NLRP4: variants seen among roughly 807,000 people sequenced by gnomAD.
NLRP4 encodes the protein NACHT, LRR and PYD domains-containing protein 4.
Under a neutral mutation model 84.7 loss-of-function variants are expected in NLRP4, and 44 were observed. The ratio of observed to expected loss-of-function variants is 0.52; its 90% CI spans 0.41 to 0.67. The LOEUF (loss-of-function observed/expected upper bound fraction) is 0.67. NLRP4 is among the 30% of genes least tolerant of loss of function. NLRP4 has a pLI of 0.00. For synonymous variants in NLRP4, 544 were observed against 476.4 expected, an observed-to-expected ratio of 1.14 and a Z score of -1.85; for missense variants, 1,260 against 1,219.4, an observed-to-expected ratio of 1.03 and a Z score of -0.50.
At chr19:55,844,958 C>T (rs960342131) in intron 1 of NLRP4, among the ~76,000 whole-genome samples, 3 of 152,036 alleles carry the variant, frequency 2.0e-5, no homozygotes, top group Non-Finnish European at 2.9e-5. Context: ...AGTCTTTCCC[C>T]TCACTTTCAG....
intron 9 of NLRP4, among the ~76,000 whole-genome samples, 163 bp downstream of exon 9, chr19:55,879,127 AC>A (rs1353199026): frequency 2.6e-5 from 4 of 152,168 alleles, no homozygotes; most frequent in African/African-American, 9.7e-5. Context: ...TAAAACTCTT[AC>A]CACAGTAAGT....
intron 5 of NLRP4, among the ~76,000 whole-genome samples, chr19:55,863,567 G>C (rs1984843551): frequency 6.6e-6 from 1 of 152,076 alleles, no homozygotes; most frequent in Non-Finnish European, 1.5e-5. Context: ...TAAATCACTA[G>C]AAACCACCCC....
At chr19:55,864,433 T>C (rs1487921751) in intron 5 of NLRP4, among the ~76,000 whole-genome samples, 1 of 152,258 alleles carries the variant, frequency 6.6e-6, no homozygotes, top group African/African-American at 2.4e-5. Context: ...AGTATTCCAC[T>C]GTGTAGATAT....
chr19:55,880,345 A>G (rs953424040), intron 9 of NLRP4, among the ~76,000 whole-genome samples: 1 of 152,232 alleles, frequency 6.6e-6, no homozygotes, highest in Non-Finnish European at 1.5e-5. Context: ...GAAGGACTCA[A>G]ATTGTCTGCA....
At chr19:55,856,720 T>G (rs1249182074) in intron 2 of NLRP4, among the ~76,000 whole-genome samples, 1 of 152,028 alleles carries the variant, frequency 6.6e-6, no homozygotes, top group East Asian at 1.9e-4. Context: ...TTCACCATGT[T>G]GGCCAGGATG....
At chr19:55,870,160 G>A (rs1414172103) in intron 6 of NLRP4, among the ~76,000 whole-genome samples, 3 of 152,024 alleles carry the variant, frequency 2.0e-5, no homozygotes, top group Non-Finnish European at 4.4e-5. Context: ...AAAAAGTTGG[G>A]GATTCTACAC....
chr19:55,877,176 G>C lies in NLRP4; in HGVS notation c.2696+10G>C. ...GCTTAGAGATTCTTGGGTGGGTATCGCCAAGCTCCTGGTTATGTTTTCATG... is the reference window on the plus strand; with the variant it reads ...GCTTAGAGATTCTTGGGTGGGTATCCCCAAGCTCCTGGTTATGTTTTCATG... On this transcript the variant is annotated intron_variant, in intron 8 of 9. Transcript: ENST00000301295. 1.2e-6 allele frequency: 2 copies of C among 1,610,952 alleles called. No homozygotes were observed. The highest frequency in any genetic ancestry group is 1.7e-6 in the Non-Finnish European group (2 of 1,177,486).
intron 7 of NLRP4, among the ~76,000 whole-genome samples, chr19:55,871,993 G>A (rs1433329723): frequency 6.6e-6 from 1 of 151,918 alleles, no homozygotes; most frequent in African/African-American, 2.4e-5. Flanking sequence ...GACTACAGGT[G>A]CCCGCCACCA....
intron 1 of NLRP4, among the ~76,000 whole-genome samples, chr19:55,838,956 T>G (rs1983501478): frequency 1.0e-5 from 1 of 96,616 alleles, no homozygotes; most frequent in East Asian, 2.3e-4. Flanking sequence ...ACTAAGCCTG[T>G]TTTTTTTTTT....
chr19:55,876,958 T>TA, intron 7 of NLRP4, 38 bp from the exon 8 acceptor site: 1 of 1,566,762 alleles, frequency 6.4e-7, no homozygotes, highest in Non-Finnish European at 8.7e-7. Flanking sequence ...GACTGAGGTG[T>TA]AATAGCCTTT....
intron 8 of NLRP4, among the ~76,000 whole-genome samples, chr19:55,878,491 A>AAAAAAAGG (rs1568676498): frequency 0.17 from 25,999 of 152,328 alleles, 69 homozygotes; most frequent in Middle Eastern, 0.23. Context: ...AGACGGCTTC[A>AAAAAAAGG]TACCTTTTTT....
chr19:55,852,111 C>A lies in NLRP4; in HGVS notation c.31C>A (p.Leu11Ile). MAASFFSDFG[L>I]MWYLEELKKE... The stretch of plus-strand genomic sequence containing the variant: ...AGCCTCTTTCTTCTCTGATTTTGGT[C>A]TTATGTGGTATCTGGAGGAGCTCAA... The change falls in exon 2 of 10, where the codon CTT becomes ATT. Residue 11 changes from leucine to isoleucine, a missense_variant. By Grantham distance (5) the Leu-to-Ile change is conservative. Coordinates refer to ENST00000301295, the MANE Select transcript of NLRP4 (RefSeq NM_134444.5). 6.2e-7 allele frequency: 1 copy of A among 1,600,856 alleles called. No individual in the cohort carries two copies. The highest frequency in any genetic ancestry group is 1.1e-5 in the South Asian group (1 of 87,298).
chr19:55,839,577 T>G (rs1276681516), intron 1 of NLRP4, among the ~76,000 whole-genome samples: 1 of 152,128 alleles, frequency 6.6e-6, no homozygotes, highest in Non-Finnish European at 1.5e-5. Flanking sequence ...ATTATCAGTT[T>G]TATTGGCATA....
At chr19:55,847,983 G>A (rs1256459868) in intron 1 of NLRP4, among the ~76,000 whole-genome samples, 1 of 152,054 alleles carries the variant, frequency 6.6e-6, no homozygotes, top group Non-Finnish European at 1.5e-5. Context: ...CCAAAGTGCT[G>A]GGATGACAGG....
intron 2 of NLRP4, among the ~76,000 whole-genome samples, chr19:55,856,118 C>T (rs60624745): frequency 0.24 from 36,797 of 152,138 alleles, 5,505 homozygotes; most frequent in East Asian, 0.5. Flanking sequence ...CCTGGCCTCC[C>T]GAGTAGCTGG....
Position 55,858,657 on chromosome 19 carries a change from A to C in NLRP4, c.1264A>C (p.Asn422His). Residue 422 changes from asparagine (N) to histidine (H), a missense_variant, in exon 3 of 10, where the codon AAT becomes CAT. Physicochemically the swap from Asn to His is moderately conservative, Grantham distance 68 (BLOSUM62 1). Transcript: ENST00000301295. This position sits in a 1 kb window ranked among gnomAD's most constrained non-coding sequence, Gnocchi z 4.2. ...GTTTTGTGAAGACGACCTCCGGAGA[A>C]ATGGGGTTGTTGACGCTGACATCCC... ...FEFCEDDLRR[N>H]GVVDADIPAL... The C allele has an allele frequency of 6.2e-7, 1 of 1,614,128 alleles. No individual in the cohort carries two copies. The highest frequency in any genetic ancestry group is 8.5e-7 in the Non-Finnish European group (1 of 1,180,022).
intron 1 of NLRP4, among the ~76,000 whole-genome samples, chr19:55,849,810 AAAGCTGCGGTGTAATTTCCG>A (rs1568657801): frequency 5.3e-4 from 54 of 101,198 alleles, no homozygotes; most frequent in South Asian, 6.8e-4. Flanking sequence ...TGTAATTTCC[AAAGCTGCGGTGTAATTTCCG>A]AAGCTGCGGT....
chr19:55,855,415 G>T (rs1461139471), intron 2 of NLRP4, among the ~76,000 whole-genome samples: 1 of 152,184 alleles, frequency 6.6e-6, no homozygotes, highest in Non-Finnish European at 1.5e-5. Context: ...GAACAGCTGA[G>T]AAGACCAGGA....
Position 55,861,434 on chromosome 19 carries a change from C to T in NLRP4, c.1905C>T (p.Thr635=), listed in dbSNP as rs1397691434. 1.2e-6 allele frequency: 2 copies of T among 1,614,120 alleles called. No homozygotes were observed. Among genetic ancestry groups the T allele is most frequent in the Non-Finnish European group, 8.5e-7 (1 of 1,179,938 alleles). Reference sequence around the variant, plus strand: ...GGCATCACATCTGCTCTGTGCTCACCACCAGCGGGCACCTCAGAGAGCTCC... The same window carrying T: ...GGCATCACATCTGCTCTGTGCTCACTACCAGCGGGCACCTCAGAGAGCTCC... ...ICWHHICSVL[T]TSGHLRELQV... Residue 635 remains threonine (T), a synonymous_variant, in exon 4 of 10, where the codon ACC becomes ACT. Coordinates refer to ENST00000301295, the MANE Select transcript of NLRP4 (RefSeq NM_134444.5).
Sources: allele counts gnomAD v4.1 joint callset (sites outside exome capture counted in the v4.1 genomes callset), GRCh38; gene constraint gnomAD v4.1.1; non-coding constraint Gnocchi (gnomAD v3.1); transcripts MANE v1.5; gene names NCBI Gene and HGNC (gene_info 2026-07-23, HGNC 2026-07-21).